Variants in MACF1 observed in about 807,000 individuals in gnomAD.
MACF1 encodes microtubule-actin cross-linking factor 1.
MACF1 carries 193 observed loss-of-function variants against 854.8 expected under a neutral mutation model. That is an observed-to-expected ratio of 0.23 (90% CI 0.20 to 0.25). The LOEUF is 0.25. Among genes scored for constraint, MACF1 ranks in the 10% least tolerant of loss-of-function variants. The probability of loss-of-function intolerance (pLI) is 1.00; values close to 1 mark genes in which losing one functional copy is unlikely to be tolerated. For missense variants in MACF1, 7,722 were observed against 8,929.1 expected (o/e 0.86, Z 5.45); for synonymous variants, 3,185 against 3,226.7 (o/e 0.99, Z 0.44).
In MACF1 at chr1:39,368,219, C is replaced by A; in HGVS notation, c.12843C>A (p.Ser4281Arg). 6.2e-7 allele frequency: 1 copy of A among 1,614,076 alleles called. No homozygotes were observed. The highest frequency in any genetic ancestry group is 1.1e-5 in the South Asian group (1 of 91,080). ...DTLEHLVTELSSCGFALDLCQ... is the reference protein window; with the variant it reads ...DTLEHLVTELRSCGFALDLCQ... ...TTGAGCACCTGGTCACTGAACTGAG[C>A]TCTTGTGGCTTTGCGCTGGACTTGT... Residue 4281 changes from serine to arginine, a missense_variant, in exon 50 of 101, where the codon AGC becomes AGA. Around this residue, in one of 15 missense-constraint regions of MACF1, gnomAD observed 2,807 missense variants for 3,235.8 expected, o/e 0.87. Transcript: ENST00000564288.
At chr1:39,368,424 TCTA>T in intron 50 of MACF1, 110 bp downstream of exon 50, 2 of 1,136,700 alleles carry the variant, frequency 1.8e-6, no homozygotes, top group Non-Finnish European at 2.5e-6. Flanking sequence ...CATCTAAAAT[TCTA>T]CTACTGAGTT....
intron 2 of MACF1, among the ~76,000 whole-genome samples, chr1:39,174,254 G>T (rs1571134880): frequency 1.3e-5 from 2 of 151,978 alleles, no homozygotes; most frequent in African/African-American, 4.8e-5. Context: ...TTCTCTTTAG[G>T]CTAGAGTTTT....
rs553075922 is a variant in MACF1 at position 39,467,154 on chromosome 1, C to T, written c.21772-1461C>T. Among the ~76,000 whole-genome samples, 3 of 152,278 alleles carry T rather than the reference C, an allele frequency of 2.0e-5. No homozygotes were observed. In the East Asian group the frequency reaches 5.8e-4, roughly 29 times the overall value. ...GGCCGAGACGGGCAGATCACGAGGTCAGGAGATCGAGACTAACCTGGCTAA... is the reference window on the plus strand; with the variant it reads ...GGCCGAGACGGGCAGATCACGAGGTTAGGAGATCGAGACTAACCTGGCTAA... On this transcript the variant is annotated intron_variant, in intron 95 of 100. Transcript: ENST00000564288.
At chr1:39,344,244 A>T (rs780546189) in intron 40 of MACF1, among the ~76,000 whole-genome samples, 1 of 152,030 alleles carries the variant, frequency 6.6e-6, no homozygotes, top group Non-Finnish European at 1.5e-5. Flanking sequence ...CCTGGCCAAC[A>T]TGGTGAAACC....
rs1290104964 is a variant in MACF1 at position 39,297,649 on chromosome 1, A to G, written c.2385A>G (p.Ser795=). 20 of 1,614,084 alleles carry G rather than the reference A, an allele frequency of 1.2e-5. No individual in the cohort carries two copies. The highest frequency in any genetic ancestry group is 1.7e-5 in the Non-Finnish European group (20 of 1,180,040). ...TCAGTGATGCACGAGAGCTGGAGTC[A>G]TTCTTGAGGAACCTCCAAGATTCCA... ...QFFSDARELE[S]FLRNLQDSIK... is the part of the protein sequence containing the mutation. Residue 795 remains serine, a synonymous_variant, in exon 21 of 101, where the codon TCA becomes TCG. Transcript: ENST00000564288.
intron 6 of MACF1, among the ~76,000 whole-genome samples, chr1:39,268,004 C>G (rs1169920456): frequency 1.3e-5 from 2 of 152,128 alleles, no homozygotes; most frequent in Non-Finnish European, 2.9e-5. Context: ...TGTTTTCTGA[C>G]CTGAAAAAAT....
At chr1:39,260,507 G>C (rs1269623796) in intron 6 of MACF1, 1 of 152,132 alleles carries the variant, frequency 6.6e-6, no homozygotes, top group African/African-American at 2.4e-5. Flanking sequence ...TGGGATTACA[G>C]GCGTGTGCCA....
At chr1:39,103,119 T>A (rs1642135093) in intron 2 of MACF1, 1 of 510,322 alleles carries the variant, frequency 2.0e-6, no homozygotes, top group Non-Finnish European at 3.6e-6. Context: ...AAAGCAGAAG[T>A]TTCTTCTTTG....
At chr1:39,301,542 C>T (rs1264685572) in intron 22 of MACF1, among the ~76,000 whole-genome samples, 1 of 152,046 alleles carries the variant, frequency 6.6e-6, no homozygotes, top group Non-Finnish European at 1.5e-5. Flanking sequence ...TATCCTGCCT[C>T]AGCCTCCCAA....
rs183077332 is a variant in MACF1, at chr1:39,458,392, G to T, written c.21098G>T (p.Arg7033Leu). 27 of 1,613,268 alleles carry T rather than the reference G, an allele frequency of 1.7e-5. No individual in the cohort carries two copies. In the African/African-American group the frequency reaches 3.6e-4, roughly 22 times the overall value. The change falls in exon 90 of 101, where the codon CGC (arginine) becomes CTC (leucine). Residue 7033 changes from arginine (R) to leucine (L), a missense_variant. Physicochemically the swap from Arg to Leu is moderately radical, Grantham distance 102. Coordinates refer to ENST00000564288, the MANE Select transcript of MACF1 (RefSeq NM_001394062.1). ...EHQTFMEEMT[R>L]KQPDVDRVTK... is the part of the protein sequence containing the mutation. ...CAGACATTTATGGAGGAGATGACTC[G>T]CAAACAGCCTGACGTGGACCGGGTC...
At chr1:39,421,329 G>T (rs951954988) in intron 58 of MACF1, among the ~76,000 whole-genome samples, 1 of 152,166 alleles carries the variant, frequency 6.6e-6, no homozygotes, top group Middle Eastern at 3.2e-3. Context: ...CATGGTAAAC[G>T]TGGATAATAC....
intron 61 of MACF1, among the ~76,000 whole-genome samples, chr1:39,427,193 T>G (rs74684789): frequency 0.018 from 2,678 of 152,294 alleles, 76 homozygotes; most frequent in African/African-American, 0.058. Context: ...GACTGAACTT[T>G]CTCTTTTATA....
At chr1:39,312,825 GCAAA>G (rs1420872264) in intron 26 of MACF1, among the ~76,000 whole-genome samples, 1 of 152,010 alleles carries the variant, frequency 6.6e-6, no homozygotes, top group East Asian at 1.9e-4. Flanking sequence ...CCTGTCTCAA[GCAAA>G]CAAACAAACA....
At chr1:39,293,400 C>G in intron 17 of MACF1, 58 bp from the exon 18 acceptor site, 1 of 1,389,358 alleles carries the variant, frequency 7.2e-7, no homozygotes, top group Non-Finnish European at 9.8e-7. Context: ...GTCAAATGTG[C>G]TATCTTCTAC....
At chr1:39,480,251 G>C in intron 98 of MACF1, 1 of 477,240 alleles carries the variant, frequency 2.1e-6, no homozygotes, top group Admixed American at 3.7e-5. Flanking sequence ...ACTCAGCCTG[G>C]TTATGTCAGA....
intron 99 of MACF1, among the ~76,000 whole-genome samples, chr1:39,483,812 G>C (rs1459367483): frequency 6.6e-6 from 1 of 152,102 alleles, no homozygotes; most frequent in Non-Finnish European, 1.5e-5. Context: ...TACCAGTAAG[G>C]ATAATGACTA....
intron 2 of MACF1, among the ~76,000 whole-genome samples, chr1:39,102,043 G>T (rs1642093769): frequency 1.3e-5 from 2 of 151,632 alleles, no homozygotes; most frequent in African/African-American, 4.9e-5. Context: ...GGGCGAGGTG[G>T]CGGGCGCCTG....
chr1:39,276,188 GGGATTACA>G (rs1175409839), intron 6 of MACF1, among the ~76,000 whole-genome samples: 2 of 152,094 alleles, frequency 1.3e-5, no homozygotes, highest in African/African-American at 2.4e-5. Flanking sequence ...CCAAAGTGGT[GGGATTACA>G]GGAGTGAGCC....
intron 2 of MACF1, among the ~76,000 whole-genome samples, chr1:39,238,340 C>A (rs1237314081): frequency 6.6e-6 from 1 of 152,136 alleles, no homozygotes; most frequent in African/African-American, 2.4e-5. Flanking sequence ...ACACTTGTCT[C>A]CTAGGGAAGA....
Sources: allele counts gnomAD v4.1 joint callset (sites outside exome capture counted in the v4.1 genomes callset), GRCh38; gene constraint gnomAD v4.1.1; regional missense constraint gnomAD v4.1.1; transcripts MANE v1.5; gene names NCBI Gene and HGNC (gene_info 2026-07-23, HGNC 2026-07-21).